Variants in NCK2 observed in about 807,000 individuals in gnomAD.
NCK2 encodes the protein NCK adaptor protein 2, also known as cytoplasmic protein NCK2.
A neutral mutation model predicts 33.9 loss-of-function variants in NCK2; 16 were observed. That is an observed-to-expected ratio of 0.47 (90% confidence interval 0.32 to 0.72). NCK2 has a LOEUF of 0.72. Ranked by LOEUF, NCK2 falls within the 30% of genes least tolerant of loss-of-function variation. The pLI is 0.03. For missense variants in NCK2, 418 were observed against 537.3 expected (o/e 0.78, Z 2.19); for synonymous variants, 273 against 239.9 (o/e 1.14, Z -1.27).
intron 2 of NCK2, among the ~76,000 whole-genome samples, chr2:105,850,019 C>A (rs1354047430): frequency 6.6e-6 from 1 of 152,142 alleles, no homozygotes; most frequent in Non-Finnish European, 1.5e-5. Context: ...AATGTTAAAC[C>A]TTGCCCTCTA....
At chr2:105,776,857 T>A (rs1690321053) in intron 1 of NCK2, among the ~76,000 whole-genome samples, 1 of 151,844 alleles carries the variant, frequency 6.6e-6, no homozygotes, top group Admixed American at 6.6e-5. Flanking sequence ...TCAGATAATC[T>A]CTGCTCTCCT....
In NCK2 at chr2:105,794,877, A is replaced by G. The variant is rs1691022220; in HGVS notation, c.-200-21553A>G. ...AAACTGTTCGCATGGTTCCGCAGCC[A>G]AAGATGGTTATGTCCAGAGAATGAT... On this transcript the variant is annotated intron_variant, in intron 1 of 4. Coordinates refer to ENST00000233154, the MANE Select transcript of NCK2 (RefSeq NM_003581.5). Among the ~76,000 whole-genome samples the G allele has an allele frequency of 1.3e-5, 2 of 152,134 alleles. 1 individual carries two copies. Among genetic ancestry groups the G allele is most frequent in the South Asian group, 4.1e-4 (2 of 4,822 alleles).
intron 3 of NCK2, among the ~76,000 whole-genome samples, chr2:105,871,794 C>G (rs1433659388): frequency 6.6e-6 from 1 of 152,122 alleles, no homozygotes; most frequent in Admixed American, 6.5e-5. Flanking sequence ...TGTGCCCGGC[C>G]TGGTTTTTGT....
chr2:105,817,980 G>A (rs548694679), intron 2 of NCK2, among the ~76,000 whole-genome samples: 1 of 152,124 alleles, frequency 6.6e-6, no homozygotes, highest in South Asian at 2.1e-4. Context: ...ACATGCACAC[G>A]TATGTTTATT....
chr2:105,749,939 C>T (rs894071133), intron 1 of NCK2, among the ~76,000 whole-genome samples: 2 of 151,804 alleles, frequency 1.3e-5, no homozygotes, highest in Non-Finnish European at 2.9e-5. Context: ...CTGAGTCACG[C>T]GAATTGCTTG....
In NCK2 at chr2:105,839,045, A is replaced by C. The variant is rs538513252; in HGVS notation, c.-16-16003A>C. Among the ~76,000 whole-genome samples the C allele has an allele frequency of 3.9e-5, 6 of 152,266 alleles. No homozygotes were observed. In the South Asian group the frequency reaches 1.0e-3, roughly 26 times the overall value. On this transcript the variant is annotated intron_variant, in intron 2 of 4. Coordinates refer to ENST00000233154, the MANE Select transcript of NCK2 (RefSeq NM_003581.5). The stretch of plus-strand genomic sequence containing the variant: ...TTGGCAGAGAATTGGATGGAATCAG[A>C]GAAGGAATATGAGAGAGGCAGGGAG...
chr2:105,769,780 G>A (rs541509714), intron 1 of NCK2, among the ~76,000 whole-genome samples: 10 of 132,010 alleles, frequency 7.6e-5, no homozygotes, highest in African/African-American at 2.2e-4. Flanking sequence ...TGTGTCAGGC[G>A]TGGTCAGTAA....
chr2:105,857,940 G>T (rs975890482), intron 3 of NCK2, among the ~76,000 whole-genome samples: 5 of 152,168 alleles, frequency 3.3e-5, no homozygotes, highest in African/African-American at 1.2e-4. Context: ...TTATAGATGT[G>T]GCGTTGCCAA....
Position 105,855,309 on chromosome 2 carries a change from G to C in NCK2, c.226+20G>C. ...CACTAGGTGAGTGTTTCACCCTCGAGAGAGGAAGCCTTGTGCATTTCAAGG... is the reference window on the plus strand; with the variant it reads ...CACTAGGTGAGTGTTTCACCCTCGACAGAGGAAGCCTTGTGCATTTCAAGG... On this transcript the variant is annotated intron_variant, in intron 3 of 4. Coordinates refer to ENST00000233154, the MANE Select transcript of NCK2 (RefSeq NM_003581.5). 1 of 1,555,016 alleles carries C rather than the reference G, an allele frequency of 6.4e-7. No homozygotes were observed. Among genetic ancestry groups the C allele is most frequent in the Non-Finnish European group, 8.8e-7 (1 of 1,139,342 alleles).
intron 1 of NCK2, among the ~76,000 whole-genome samples, chr2:105,793,081 A>G (rs116033386): frequency 0.019 from 2,853 of 152,094 alleles, 52 homozygotes; most frequent in Non-Finnish European, 0.022. Flanking sequence ...GGCTTTATAT[A>G]ATGGCCGTGG....
intron 1 of NCK2, among the ~76,000 whole-genome samples, chr2:105,806,781 T>G (rs1047769996): frequency 1.3e-5 from 2 of 152,126 alleles, no homozygotes; most frequent in Non-Finnish European, 2.9e-5. Flanking sequence ...TTCAGTTTCT[T>G]AGAAGCAAAT....
chr2:105,822,168 A>G (rs1181340354), intron 2 of NCK2, among the ~76,000 whole-genome samples: 1 of 21,322 alleles, frequency 4.7e-5, no homozygotes, highest in Non-Finnish European at 7.2e-5. Flanking sequence ...AACTAAGTGC[A>G]GTTTGGAGAG....
At chr2:105,828,279 A>G (rs1242164985) in intron 2 of NCK2, among the ~76,000 whole-genome samples, 2 of 152,176 alleles carry the variant, frequency 1.3e-5, no homozygotes, top group Non-Finnish European at 2.9e-5. Context: ...ATTGCTGAAA[A>G]TGTTTTTGCT....
chr2:105,876,880 C>T (rs1004935683), intron 3 of NCK2, among the ~76,000 whole-genome samples: 3 of 152,280 alleles, frequency 2.0e-5, no homozygotes, highest in East Asian at 1.9e-4. Context: ...GAGGCAGTCG[C>T]TTAGAGCCTG....
intron 1 of NCK2, among the ~76,000 whole-genome samples, 166 bp downstream of exon 1, chr2:105,745,304 C>A (rs1026058795): frequency 1.3e-5 from 2 of 151,622 alleles, no homozygotes; most frequent in Non-Finnish European, 2.9e-5. Context: ...GCGGCCTGGG[C>A]GCCCCCGACC....
At chr2:105,789,999 G>T (rs746436) in intron 1 of NCK2, among the ~76,000 whole-genome samples, 7,703 of 152,198 alleles carry the variant, frequency 0.051, 269 homozygotes, top group Non-Finnish European at 0.074. Flanking sequence ...CAACACTAGC[G>T]TGTTCATGTA....
chr2:105,888,303 G>A (rs1678800351), intron 4 of NCK2, among the ~76,000 whole-genome samples: 1 of 151,754 alleles, frequency 6.6e-6, no homozygotes, highest in African/African-American at 2.4e-5. Context: ...ACTCATAGAA[G>A]GACATAACAG....
chr2:105,795,705 A>C (rs995359755), intron 1 of NCK2, among the ~76,000 whole-genome samples: 1 of 152,174 alleles, frequency 6.6e-6, no homozygotes, highest in Non-Finnish European at 1.5e-5. Flanking sequence ...CCTACAACGC[A>C]GGGGACAGCT....
intron 1 of NCK2, among the ~76,000 whole-genome samples, chr2:105,806,277 G>A (rs946208435): frequency 1.9e-4 from 26 of 136,512 alleles, no homozygotes; most frequent in African/African-American, 4.0e-4. Flanking sequence ...TCACTCTGTC[G>A]CCCAGTCTGC....
Sources: allele counts gnomAD v4.1 joint callset (sites outside exome capture counted in the v4.1 genomes callset), GRCh38; gene constraint gnomAD v4.1.1; transcripts MANE v1.5; gene names NCBI Gene and HGNC (gene_info 2026-07-23, HGNC 2026-07-21).